Variants in SENP7 observed in about 807,000 individuals in gnomAD.
SENP7 encodes sentrin-specific protease 7.
In SENP7, 64 loss-of-function variants were observed where a neutral mutation model predicts 141.2. The observed-to-expected ratio is 0.45, with a 90% CI of 0.37 to 0.56. The LOEUF is 0.56. SENP7 is among the 20% of genes least tolerant of loss of function. SENP7 has a pLI of 0.00. For missense variants in SENP7, 1,025 were observed against 1,212.2 expected (o/e 0.85, Z 2.29); for synonymous variants, 382 against 426.4 (o/e 0.90, Z 1.28).
In SENP7 at chr3:101,325,477, A is replaced by G. The variant is rs926407516; in HGVS notation, c.*466T>C. 6.6e-6 allele frequency: 1 copy of G among 152,578 alleles called. No individual in the cohort carries two copies. The highest frequency in any genetic ancestry group is 6.6e-5 in the Admixed American group (1 of 15,242). 9.5% of individuals were successfully genotyped at this position (152,578 alleles called of 1,614,324 possible). A position where few individuals can be genotyped will look rare whatever the true frequency, so the allele number is the denominator to read the frequency against. ...ACTAAATTATTTTTTTAAAAAATACACAGTATTCATACTGCATGCTTGAGC... is the reference window on the plus strand; with the variant it reads ...ACTAAATTATTTTTTTAAAAAATACGCAGTATTCATACTGCATGCTTGAGC... On this transcript the variant is annotated 3_prime_UTR_variant, in exon 24 of 24. Coordinates refer to ENST00000394095, the MANE Select transcript of SENP7 (RefSeq NM_020654.5).
chr3:101,507,154 C>A (rs2065654387), intron 1 of SENP7, among the ~76,000 whole-genome samples: 2 of 151,750 alleles, frequency 1.3e-5, no homozygotes, highest in South Asian at 4.2e-4. Flanking sequence ...GGTGATTTAC[C>A]AATACGAGCA....
At chr3:101,448,838 C>T (rs1210480311) in intron 4 of SENP7, among the ~76,000 whole-genome samples, 3 of 152,124 alleles carry the variant, frequency 2.0e-5, no homozygotes, top group Non-Finnish European at 2.9e-5. Context: ...TCCAAAGGAA[C>T]GCAGCTTCTC....
At chr3:101,465,513 T>G (rs2063731185) in intron 3 of SENP7, among the ~76,000 whole-genome samples, 1 of 152,204 alleles carries the variant, frequency 6.6e-6, no homozygotes, top group African/African-American at 2.4e-5. Context: ...AAAAGCAGTC[T>G]GCATCACTTA....
At chr3:101,493,072 A>C (rs2065025738) in intron 3 of SENP7, among the ~76,000 whole-genome samples, 1 of 152,190 alleles carries the variant, frequency 6.6e-6, no homozygotes, top group Non-Finnish European at 1.5e-5. Flanking sequence ...AGCCATAAAA[A>C]AGAATGAGAT....
At chr3:101,370,890 A>T (rs1196401220) in intron 7 of SENP7, among the ~76,000 whole-genome samples, 1 of 152,212 alleles carries the variant, frequency 6.6e-6, no homozygotes, top group Non-Finnish European at 1.5e-5. Flanking sequence ...AAAGGCTACT[A>T]AAAAGAATCT....
chr3:101,416,793 A>C (rs1258923413), intron 5 of SENP7, among the ~76,000 whole-genome samples: 1 of 152,176 alleles, frequency 6.6e-6, no homozygotes, highest in Non-Finnish European at 1.5e-5. Context: ...AGCAGTTTTT[A>C]TCTGGGTCTT....
chr3:101,485,312 T>C (rs371195048), intron 3 of SENP7, among the ~76,000 whole-genome samples: 32 of 151,570 alleles, frequency 2.1e-4, no homozygotes, highest in African/African-American at 7.5e-4. Context: ...AGCACAAAAA[T>C]AGAACATTAA....
chr3:101,509,667 G>A (rs2065769805), intron 1 of SENP7, among the ~76,000 whole-genome samples: 1 of 152,102 alleles, frequency 6.6e-6, no homozygotes. Context: ...TTCTCATCTT[G>A]AGCTTCAATT....
chr3:101,422,332 TTAA>T (rs2107675844), intron 4 of SENP7, among the ~76,000 whole-genome samples: 1 of 152,272 alleles, frequency 6.6e-6, no homozygotes, highest in East Asian at 1.9e-4. Flanking sequence ...GACTGCTGCT[TTAA>T]AGGGTTATCA....
intron 11 of SENP7, among the ~76,000 whole-genome samples, chr3:101,361,259 C>T (rs1309147949): frequency 1.3e-5 from 2 of 151,462 alleles, no homozygotes; most frequent in African/African-American, 2.4e-5. Flanking sequence ...TCCAGTCTCA[C>T]TTTCATATAC....
intron 3 of SENP7, among the ~76,000 whole-genome samples, chr3:101,486,420 C>A (rs1369361978): frequency 2.0e-5 from 3 of 152,156 alleles, no homozygotes; most frequent in Admixed American, 1.3e-4. Flanking sequence ...TCAGTAGAAA[C>A]CCTAGAAGCT....
intron 4 of SENP7, among the ~76,000 whole-genome samples, chr3:101,442,762 A>T (rs978778195): frequency 6.6e-6 from 1 of 152,230 alleles, no homozygotes; most frequent in Non-Finnish European, 1.5e-5. Flanking sequence ...AATAAAAAAC[A>T]CAATTAAGAA....
intron 4 of SENP7, chr3:101,457,699 G>A (rs1179400748): frequency 2.1e-5 from 24 of 1,138,460 alleles, no homozygotes; most frequent in Middle Eastern, 2.9e-4. Context: ...AGTTTGGCAA[G>A]TTTTTCCTGA....
chr3:101,503,698 C>A (rs145004317), intron 1 of SENP7, among the ~76,000 whole-genome samples: 6 of 152,288 alleles, frequency 3.9e-5, no homozygotes, highest in South Asian at 2.1e-4. Context: ...GTAATCCCAG[C>A]AGTTTGGGAG....
chr3:101,385,469 A>AT (rs1185123638), intron 6 of SENP7, among the ~76,000 whole-genome samples: 12 of 152,202 alleles, frequency 7.9e-5, no homozygotes, highest in African/African-American at 2.7e-4. Context: ...TTTACTTAGC[A>AT]AAGCAGGTGG....
chr3:101,457,773 TG>T (rs1258684982), intron 4 of SENP7: 6 of 676,912 alleles, frequency 8.9e-6, no homozygotes, highest in Non-Finnish European at 1.5e-5. Flanking sequence ...CTAGGGTTGG[TG>T]CTAAGAGGGT....
At chr3:101,355,938 T>G (rs4383493) in intron 11 of SENP7, among the ~76,000 whole-genome samples, 1 of 151,886 alleles carries the variant, frequency 6.6e-6, no homozygotes, top group African/African-American at 2.4e-5. Context: ...CCTGGTTAGC[T>G]GTATTCATAG....
rs1327200093 is a variant in SENP7, at chr3:101,324,851, G to A, written c.*1092C>T. 3 of 151,944 alleles carry A rather than the reference G, an allele frequency of 2.0e-5. No homozygotes were observed. Among genetic ancestry groups the A allele is most frequent in the African/African-American group, 7.2e-5 (3 of 41,382 alleles). 9.4% of individuals were successfully genotyped at this position (151,944 alleles called of 1,614,324 possible). A position where few individuals can be genotyped will look rare whatever the true frequency, so the allele number is the denominator to read the frequency against. On this transcript the variant is annotated 3_prime_UTR_variant, in exon 24 of 24. Coordinates refer to ENST00000394095, the MANE Select transcript of SENP7 (RefSeq NM_020654.5). ...CCTGATAACATTAGAAAGTTCTGAAGTGTTTAATCATATATAATGCCACCA... is the reference window on the plus strand; with the variant it reads ...CCTGATAACATTAGAAAGTTCTGAAATGTTTAATCATATATAATGCCACCA...
chr3:101,364,696 T>C (rs1379180411), intron 10 of SENP7, 138 bp downstream of exon 10: 1 of 557,020 alleles, frequency 1.8e-6, no homozygotes, highest in Non-Finnish European at 3.0e-6. Flanking sequence ...CTCAAACTAC[T>C]ATAAAAGTTG....
Sources: allele counts gnomAD v4.1 joint callset (sites outside exome capture counted in the v4.1 genomes callset), GRCh38; gene constraint gnomAD v4.1.1; transcripts MANE v1.5; gene names NCBI Gene and HGNC (gene_info 2026-07-23, HGNC 2026-07-21).